The following PARN variants were observed in gnomAD, a reference collection of about 807,000 sequenced individuals.
PARN encodes poly(A)-specific ribonuclease.
PARN carries 71 observed loss-of-function variants against 102.8 expected under a neutral mutation model. That is an observed-to-expected ratio of 0.69 (90% CI 0.57 to 0.84). The LOEUF is 0.84. Ranked by LOEUF, PARN falls within the 40% of genes least tolerant of loss-of-function variation. PARN has a pLI of 0.00. For synonymous variants in PARN, 261 were observed against 252.9 expected, an observed-to-expected ratio of 1.03 and a Z score of -0.30; for missense variants, 782 against 760.9, an observed-to-expected ratio of 1.03 and a Z score of -0.33.
chr16:14,616,409 C>A (rs1219815204), intron 6 of PARN, among the ~76,000 whole-genome samples: 1 of 152,232 alleles, frequency 6.6e-6, no homozygotes, highest in Non-Finnish European at 1.5e-5. Flanking sequence ...CTGCACTTTT[C>A]TTCTCCCATA....
chr16:14,488,858 A>G (rs1963889975), intron 21 of PARN, among the ~76,000 whole-genome samples: 1 of 152,108 alleles, frequency 6.6e-6, no homozygotes, highest in Admixed American at 6.5e-5. Flanking sequence ...ATAAGAGATC[A>G]ATACAATAGT....
chr16:14,543,561 CTA>C (rs1370091852), intron 21 of PARN, among the ~76,000 whole-genome samples: 7 of 152,018 alleles, frequency 4.6e-5, no homozygotes, highest in African/African-American at 1.4e-4. Flanking sequence ...GTAAATGAAC[CTA>C]TATGATTGTA....
intron 3 of PARN, 129 bp from the exon 4 acceptor site, chr16:14,627,465 A>T: frequency 1.5e-6 from 1 of 651,522 alleles, no homozygotes; most frequent in Admixed American, 2.6e-5. Flanking sequence ...ATTAGAACAG[A>T]TTACACATAT....
intron 5 of PARN, among the ~76,000 whole-genome samples, chr16:14,621,213 G>C (rs555046529): frequency 1.3e-5 from 2 of 152,258 alleles, no homozygotes; most frequent in African/African-American, 2.4e-5. Context: ...ACCATGGCTG[G>C]AGTGTTCTTA....
chr16:14,510,977 A>G lies in PARN; in HGVS notation c.1481-28150T>C, dbSNP rs531639849. On this transcript the variant is annotated intron_variant, in intron 21 of 23. Transcript: ENST00000437198. Reference sequence around the variant, plus strand: ...GGAAAAAATATTCACCAATGTCAAAAGTTCTGAATGCCACCCAACTATAGG... The same window carrying G: ...GGAAAAAATATTCACCAATGTCAAAGGTTCTGAATGCCACCCAACTATAGG... Among the ~76,000 whole-genome samples the G allele has an allele frequency of 1.7e-4, 26 of 152,344 alleles. No individual in the cohort carries two copies. The South Asian group carries it at 5.2e-3, about 30-fold the overall frequency.
intron 22 of PARN, among the ~76,000 whole-genome samples, chr16:14,464,602 CA>C (rs1962211223): frequency 6.6e-6 from 1 of 151,740 alleles, no homozygotes; most frequent in African/African-American, 2.4e-5. Context: ...CTAAAATATA[CA>C]AAAATTAGCC....
At chr16:14,532,158 C>T (rs1966372329) in intron 21 of PARN, among the ~76,000 whole-genome samples, 1 of 149,964 alleles carries the variant, frequency 6.7e-6, no homozygotes, top group East Asian at 1.9e-4. Flanking sequence ...ATACAAGGCA[C>T]AAGATTCAAA....
At chr16:14,469,269 T>C (rs550645374) in intron 22 of PARN, among the ~76,000 whole-genome samples, 2 of 152,010 alleles carry the variant, frequency 1.3e-5, no homozygotes, top group African/African-American at 4.8e-5. Context: ...GAGGCAGAGG[T>C]TGCAGCGAGC....
intron 21 of PARN, among the ~76,000 whole-genome samples, chr16:14,497,006 C>T (rs1341616842): frequency 5.3e-5 from 8 of 152,164 alleles, no homozygotes; most frequent in Admixed American, 2.6e-4. Flanking sequence ...CAGTATTTAA[C>T]CCGTTGTTGA....
At position 14,511,447 on chromosome 16, in the gene PARN, T is replaced by TA. The variant is rs111701715; in HGVS notation, c.1481-28621dup. ...AACCACATCCTATTTGATGGCTCAT[T>TA]AAAAAAAAAAAATTACTTGGGAAGT... On this transcript the variant is annotated intron_variant, in intron 21 of 23. Transcript: ENST00000437198. 9.7e-4 allele frequency among the ~76,000 whole-genome samples: 141 copies of TA among 145,546 alleles called. 1 individual carries two copies. Among genetic ancestry groups the TA allele is most frequent in the Admixed American group, 1.2e-3 (17 of 14,588 alleles).
At chr16:14,561,780 T>A (rs908984778) in intron 18 of PARN, among the ~76,000 whole-genome samples, 5 of 152,098 alleles carry the variant, frequency 3.3e-5, no homozygotes, top group Non-Finnish European at 7.4e-5. Context: ...TGCACTCCAG[T>A]CTGGGCAACA....
chr16:14,443,563 T>C (rs1283835743), intron 23 of PARN, among the ~76,000 whole-genome samples: 1 of 152,206 alleles, frequency 6.6e-6, no homozygotes, highest in Non-Finnish European at 1.5e-5. Context: ...GGTCTTGAAC[T>C]CTTGACCTCA....
intron 21 of PARN, among the ~76,000 whole-genome samples, chr16:14,533,452 GGA>G (rs1443831946): frequency 6.1e-5 from 4 of 66,034 alleles, no homozygotes; most frequent in African/African-American, 2.7e-4. Flanking sequence ...AGAGGGAGAG[GGA>G]GAGGGAGAGG....
At chr16:14,539,110 T>C (rs1229236369) in intron 21 of PARN, among the ~76,000 whole-genome samples, 1 of 152,214 alleles carries the variant, frequency 6.6e-6, no homozygotes, top group African/African-American at 2.4e-5. Flanking sequence ...ATAAATGTAA[T>C]GTGCTTGAAT....
rs1381404560 is a variant in PARN at position 14,630,120 on chromosome 16, C to G, written c.6G>C (p.Glu2Asp). 6.4e-7 allele frequency: 1 copy of G among 1,562,306 alleles called. No homozygotes were observed. The highest frequency in any genetic ancestry group is 1.2e-5 in the South Asian group (1 of 85,048). The change falls in exon 1 of 24, where the codon GAG becomes GAC. Residue 2 changes from glutamate (E) to aspartate (D), a missense_variant. Physicochemically the swap from Glu to Asp is conservative, Grantham distance 45 (BLOSUM62 2). Transcript: ENST00000437198. Reference protein sequence around the residue: MEIIRSNFKSNL... With the variant: MDIIRSNFKSNL... ...GCGGACACGCACTGCTCCTGATTATCTCCATTCTGCAGAGTGGCCGGAACC... is the reference window on the plus strand; with the variant it reads ...GCGGACACGCACTGCTCCTGATTATGTCCATTCTGCAGAGTGGCCGGAACC...
At chr16:14,507,388 T>C (rs1262935325) in intron 21 of PARN, among the ~76,000 whole-genome samples, 1 of 151,496 alleles carries the variant, frequency 6.6e-6, no homozygotes, top group Admixed American at 6.6e-5. Context: ...TCTGACTCTA[T>C]CATGTAATCA....
chr16:14,568,526 G>C (rs1227633706), intron 18 of PARN, among the ~76,000 whole-genome samples: 1 of 151,836 alleles, frequency 6.6e-6, no homozygotes, highest in African/African-American at 2.4e-5. Flanking sequence ...GATCCCTTGG[G>C]CCCAGAATGC....
rs201218893 is a variant in PARN, at chr16:14,447,031, T to C, written c.1721A>G (p.Glu574Gly). The change falls in exon 23 of 24, where the codon GAG becomes GGG. Residue 574 changes from glutamate (E) to glycine (G), a missense_variant. Coordinates refer to ENST00000437198, the MANE Select transcript of PARN (RefSeq NM_002582.4). ...VGKRNLSPSQ[E>G]EAGLEDGVSG... ...CACTCCGTCCTCCAGGCCAGCTTCC[T>C]CTTGACTAGGACTCAAATTTCTCTT... 2 of 1,613,924 alleles carry C rather than the reference T, an allele frequency of 1.2e-6. No individual in the cohort carries two copies. The highest frequency in any genetic ancestry group is 1.1e-5 in the South Asian group (1 of 91,074).
intron 2 of PARN, among the ~76,000 whole-genome samples, chr16:14,629,317 C>A (rs1972876802): frequency 6.6e-6 from 1 of 152,224 alleles, no homozygotes; most frequent in Non-Finnish European, 1.5e-5. Context: ...TGACCCTAAT[C>A]CTCAAGCTCT....
Sources: gnomAD v4.1 joint callset for allele counts (sites outside exome capture counted in the v4.1 genomes callset) on GRCh38, gnomAD v4.1.1 for gene constraint, MANE v1.5 for transcripts, NCBI Gene and HGNC (gene_info 2026-07-23, HGNC 2026-07-21) for gene names.